Variants in TPR observed in about 807,000 individuals in gnomAD.
TPR encodes the protein translocated promoter region, nuclear basket protein.
A neutral mutation model predicts 316.1 loss-of-function variants in TPR; 51 were observed. The ratio of observed to expected loss-of-function variants is 0.16; its 90% CI spans 0.13 to 0.20. The LOEUF is 0.20. Ranked by LOEUF, TPR falls within the 10% of genes least tolerant of loss-of-function variation. The probability of loss-of-function intolerance (pLI) is 1.00; values close to 1 mark genes in which losing one functional copy is unlikely to be tolerated. For synonymous variants in TPR, 981 were observed against 914.7 expected, an observed-to-expected ratio of 1.07 and a Z score of -1.31; for missense variants, 2,272 against 2,754.8, an observed-to-expected ratio of 0.82 and a Z score of 3.92.
intron 19 of TPR, 82 bp from the exon 20 acceptor site, chr1:186,351,552 C>G (rs1658861973): frequency 1.4e-6 from 2 of 1,415,056 alleles, no homozygotes; most frequent in South Asian, 1.6e-5. Flanking sequence ...GAAAGAATTA[C>G]AATATTACAA....
intron 45 of TPR, among the ~76,000 whole-genome samples, chr1:186,321,508 C>T (rs1057445822): frequency 2.0e-5 from 3 of 152,154 alleles, no homozygotes; most frequent in African/African-American, 7.2e-5. Flanking sequence ...TGACCTCTGG[C>T]AAATTTGTTA....
chr1:186,344,160 C>G, intron 25 of TPR, 70 bp from the exon 26 acceptor site: 1 of 1,523,286 alleles, frequency 6.6e-7, no homozygotes, highest in Non-Finnish European at 8.8e-7. Context: ...CTTGGCCAGG[C>G]GCGGTGGCTA....
intron 23 of TPR, 60 bp from the exon 24 acceptor site, chr1:186,345,756 G>C (rs2102077681): frequency 1.7e-6 from 2 of 1,160,336 alleles, no homozygotes; most frequent in Middle Eastern, 2.2e-4. Context: ...GGAAAATACT[G>C]TATTGTAGTG....
In TPR at chr1:186,327,671, A is replaced by G; in HGVS notation, c.5689-11T>C. 7 of 1,608,480 alleles carry G rather than the reference A, an allele frequency of 4.4e-6. No homozygotes were observed. Among genetic ancestry groups the G allele is most frequent in the Non-Finnish European group, 5.9e-6 (7 of 1,176,950 alleles). ...TCCCTGGGTAACTCCCTTTAAAAATAAAAAAGTTAAAAAAGAATTAAGAGC... is the reference window on the plus strand; with the variant it reads ...TCCCTGGGTAACTCCCTTTAAAAATGAAAAAGTTAAAAAAGAATTAAGAGC... On this transcript the variant is annotated splice_polypyrimidine_tract_variant and intron_variant, in intron 39 of 50. Coordinates refer to ENST00000367478, the MANE Select transcript of TPR (RefSeq NM_003292.3).
At chr1:186,357,249 T>G (rs1659057050) in intron 14 of TPR, 148 bp downstream of exon 14, 2 of 697,572 alleles carry the variant, frequency 2.9e-6, no homozygotes, top group Non-Finnish European at 4.8e-6. Context: ...GGTCTCACTA[T>G]GTCGTCCAGG....
At chr1:186,326,868 AC>A (rs749437695) in intron 40 of TPR, among the ~76,000 whole-genome samples, 1 of 145,996 alleles carries the variant, frequency 6.8e-6, no homozygotes, top group East Asian at 2.0e-4. Context: ...TGTCAAAAAA[AC>A]AAAATGAAAC....
chr1:186,316,069 A>T (rs1256664910), intron 49 of TPR, among the ~76,000 whole-genome samples: 1 of 151,838 alleles, frequency 6.6e-6, no homozygotes, highest in East Asian at 1.9e-4. Flanking sequence ...GTAATTTCAT[A>T]TTATACTTTA....
chr1:186,328,574 T>C (rs1237931446), intron 39 of TPR, among the ~76,000 whole-genome samples: 2 of 151,846 alleles, frequency 1.3e-5, no homozygotes, highest in African/African-American at 4.8e-5. Context: ...TACTCATGGG[T>C]CTGCAATGTT....
intron 31 of TPR, 74 bp downstream of exon 31, chr1:186,337,959 C>A (rs1658390201): frequency 3.9e-6 from 5 of 1,271,718 alleles, no homozygotes; most frequent in South Asian, 1.6e-5. Context: ...TAGTAATATT[C>A]AAAATTACAA....
intron 2 of TPR, among the ~76,000 whole-genome samples, chr1:186,371,897 T>C (rs1659539494): frequency 6.6e-6 from 1 of 152,120 alleles, no homozygotes; most frequent in Admixed American, 6.6e-5. Flanking sequence ...CACAGGAAGG[T>C]ATCTGATGTA....
At position 186,375,083 on chromosome 1, in the gene TPR, G is replaced by A. The variant is rs932208778; in HGVS notation, c.-55C>T. The A allele has an allele frequency of 5.6e-6, 9 of 1,609,164 alleles. No homozygotes were observed. Among genetic ancestry groups the A allele is most frequent in the South Asian group, 4.4e-5 (4 of 90,674 alleles). On this transcript the variant is annotated 5_prime_UTR_variant, in exon 1 of 51. Transcript: ENST00000367478. Reference sequence around the variant, plus strand: ...CGGCCGACGGGGTAGAAGCGGAGAAGAAAGGCGAAGACCAGCAGGACCCAG... The same window carrying A: ...CGGCCGACGGGGTAGAAGCGGAGAAAAAAGGCGAAGACCAGCAGGACCCAG...
At chr1:186,327,698 C>T (rs368287947) in intron 39 of TPR, 38 bp from the exon 40 acceptor site, 1 of 1,562,856 alleles carries the variant, frequency 6.4e-7, no homozygotes, top group Non-Finnish European at 8.8e-7. Context: ...ATTAAGAGCC[C>T]TATAAACATA....
At chr1:186,357,222 AC>A (rs1206068923) in intron 14 of TPR, among the ~76,000 whole-genome samples, 174 bp downstream of exon 14, 1 of 151,700 alleles carries the variant, frequency 6.6e-6, no homozygotes, top group East Asian at 1.9e-4. Flanking sequence ...CTAATTTTTT[AC>A]TTTTTTTTGA....
In TPR at chr1:186,334,534, C is replaced by A; in HGVS notation, c.4974-1G>T. ...TGTTGGTGGGTCTGATGTGCTGGCA[C>A]TTATAGAGGAGAAAATGGAAGAATA... On this transcript the variant is annotated splice_acceptor_variant, in intron 35 of 50. Coordinates refer to ENST00000367478, the MANE Select transcript of TPR (RefSeq NM_003292.3). LOFTEE classifies it high-confidence loss of function. The A allele has an allele frequency of 1.2e-6, 2 of 1,605,664 alleles. No homozygotes were observed. Among genetic ancestry groups the A allele is most frequent in the Non-Finnish European group, 1.7e-6 (2 of 1,175,756 alleles).
At chr1:186,335,675 C>T in intron 33 of TPR, 132 bp from the exon 34 acceptor site, 1 of 577,508 alleles carries the variant, frequency 1.7e-6, no homozygotes, top group African/African-American at 1.9e-5. Flanking sequence ...ATACATCATA[C>T]ATCTCAATGA....
chr1:186,341,035 C>T lies in TPR; in HGVS notation c.4013G>A (p.Arg1338His), dbSNP rs755069021. ...LEEDVKRWKARNQHLVSQQKD... is the reference protein window; with the variant it reads ...LEEDVKRWKAHNQHLVSQQKD... The stretch of plus-strand genomic sequence containing the variant: ...AGTTTTAACTGCATTTACCTGGTTA[C>T]GTGCTTTCCAACGTTTGACATCCTC... The change falls in exon 29 of 51, where the codon CGT becomes CAT. Residue 1338 changes from arginine (R) to histidine (H), a missense_variant. Arg to His is a conservative substitution (Grantham distance 29, BLOSUM62 0). Around this residue, in one of 10 missense-constraint regions of TPR, gnomAD observed 96 missense variants for 134.6 expected, o/e 0.71. Coordinates refer to ENST00000367478, the MANE Select transcript of TPR (RefSeq NM_003292.3). 4 of 1,613,514 alleles carry T rather than the reference C, an allele frequency of 2.5e-6. No homozygotes were observed. The highest frequency in any genetic ancestry group is 1.7e-5 in the Admixed American group (1 of 59,880).
intron 49 of TPR, among the ~76,000 whole-genome samples, chr1:186,315,244 A>G (rs1657573646): frequency 6.7e-6 from 1 of 150,362 alleles, no homozygotes; most frequent in African/African-American, 2.4e-5. Context: ...AAAAAACACC[A>G]AAAAAAAACC....
intron 29 of TPR, among the ~76,000 whole-genome samples, chr1:186,340,324 G>C (rs1269164898): frequency 6.6e-6 from 1 of 152,096 alleles, no homozygotes; most frequent in Non-Finnish European, 1.5e-5. Flanking sequence ...ATAAAGGGCT[G>C]GAGTTTCGAA....
At chr1:186,323,191 C>T (rs532619267) in intron 43 of TPR, among the ~76,000 whole-genome samples, 1 of 152,050 alleles carries the variant, frequency 6.6e-6, no homozygotes, top group East Asian at 1.9e-4. Context: ...AAGAGATGCC[C>T]GACCCTACTA....
Sources: gnomAD v4.1 joint callset for allele counts (sites outside exome capture counted in the v4.1 genomes callset) on GRCh38, gnomAD v4.1.1 for gene constraint, gnomAD v4.1.1 regional missense constraint, MANE v1.5 for transcripts, NCBI Gene and HGNC (gene_info 2026-07-23, HGNC 2026-07-21) for gene names.